Variants in TTC28 observed in about 807,000 individuals in gnomAD.
The protein encoded by TTC28 is tetratricopeptide repeat protein 28.
A neutral mutation model predicts 198.0 loss-of-function variants in TTC28; 61 were observed. The observed-to-expected ratio is 0.31, with a 90% CI of 0.25 to 0.38. The LOEUF (loss-of-function observed/expected upper bound fraction) is 0.38, where lower values mean the gene tolerates loss of function less well. TTC28 is among the 10% of genes least tolerant of loss of function. The probability of loss-of-function intolerance (pLI) is 1.00; values close to 1 mark genes in which losing one functional copy is unlikely to be tolerated. For missense variants in TTC28, 2,678 were observed against 3,164.0 expected, an observed-to-expected ratio of 0.85 and a Z score of 3.69; for synonymous variants, 1,171 against 1,297.8, an observed-to-expected ratio of 0.90 and a Z score of 2.10.
chr22:28,334,981 G>C (rs551575215), intron 2 of TTC28, among the ~76,000 whole-genome samples: 19 of 152,206 alleles, frequency 1.2e-4, no homozygotes, highest in Admixed American at 4.6e-4. Flanking sequence ...GGTTTTTATG[G>C]TTTTAGGTCT....
chr22:28,147,798 T>C (rs1943503907), intron 6 of TTC28, among the ~76,000 whole-genome samples: 1 of 152,244 alleles, frequency 6.6e-6, no homozygotes, highest in Non-Finnish European at 1.5e-5. Flanking sequence ...GTCATTCCTT[T>C]ATCATTATTA....
chr22:28,161,820 A>AGGAG (rs1371857752), intron 6 of TTC28, among the ~76,000 whole-genome samples: 1 of 122,748 alleles, frequency 8.1e-6, no homozygotes, highest in Non-Finnish European at 1.7e-5. Context: ...GAAGGAGGGA[A>AGGAG]GGAGGGAGGG....
intron 16 of TTC28, 101 bp from the exon 17 acceptor site, chr22:27,996,360 A>C (rs1937552404): frequency 4.7e-6 from 7 of 1,475,124 alleles, no homozygotes; most frequent in Non-Finnish European, 6.3e-6. Flanking sequence ...AACCCAGCAG[A>C]AAGAGCAGGG....
At chr22:28,413,404 C>T (rs922245855) in intron 2 of TTC28, among the ~76,000 whole-genome samples, 1 of 151,912 alleles carries the variant, frequency 6.6e-6, no homozygotes, top group South Asian at 2.1e-4. Context: ...CGCGACTGAG[C>T]GAGACTCTGT....
chr22:28,653,540 C>A (rs2051596818), intron 1 of TTC28, among the ~76,000 whole-genome samples: 1 of 151,682 alleles, frequency 6.6e-6, no homozygotes, highest in Non-Finnish European at 1.5e-5. Flanking sequence ...TAAATCCTCT[C>A]TTCCAGGAGT....
rs71194768 is a variant in TTC28 at position 28,452,389 on chromosome 22, C to CAAAAAA, written c.382-145752_382-145747dup. Among the ~76,000 whole-genome samples the CAAAAAA allele has an allele frequency of 5.6e-4, 24 of 43,236 alleles. 3 individuals are homozygous for CAAAAAA. The highest frequency in any genetic ancestry group is 1.7e-3 in the East Asian group (2 of 1,146). 28.4% of individuals were successfully genotyped at this position (43,236 alleles called of 152,430 possible). A position where few individuals can be genotyped will look rare whatever the true frequency, so the allele number is the denominator to read the frequency against. On this transcript the variant is annotated intron_variant, in intron 2 of 22. Transcript: ENST00000397906. ...TGGGCAACAGAGCGAGATTCCATCT[C>CAAAAAA]AAAAAAAAAAAAAAAAAAAAAAAAA...
chr22:27,983,979 T>A, intron 22 of TTC28, 128 bp from the exon 23 acceptor site: 1 of 1,002,996 alleles, frequency 1.0e-6, no homozygotes, highest in Non-Finnish European at 1.4e-6. Context: ...CTACTCATAT[T>A]AATCTTACAA....
At chr22:28,123,668 G>A (rs181461764) in intron 6 of TTC28, among the ~76,000 whole-genome samples, 74 of 151,996 alleles carry the variant, frequency 4.9e-4, no homozygotes, top group Non-Finnish European at 7.6e-4. Context: ...CCTTTCTCCC[G>A]TATCAACCTG....
At chr22:28,664,815 C>T (rs1229817573) in intron 1 of TTC28, among the ~76,000 whole-genome samples, 1 of 23,726 alleles carries the variant, frequency 4.2e-5, no homozygotes, top group Non-Finnish European at 7.5e-5. Context: ...AGATACTCCT[C>T]GAGAAGAGCA....
intron 2 of TTC28, among the ~76,000 whole-genome samples, chr22:28,381,134 CAA>C (rs981709849): frequency 1.0e-4 from 11 of 108,604 alleles, no homozygotes; most frequent in Admixed American, 1.9e-4. Context: ...ATCACATTCT[CAA>C]AAAAAAAAAA....
Position 28,525,020 on chromosome 22 carries a change from G to GA in TTC28, c.381+104531dup, listed in dbSNP as rs565050286. Among the ~76,000 whole-genome samples the GA allele has an allele frequency of 2.4e-4, 37 of 152,176 alleles. No homozygotes were observed. The East Asian group carries it at 6.7e-3, about 28-fold the overall frequency. ...ATGTGTTCAAGACTTATTATTGATA[G>GA]AAAAAAAGTTCATTGGGCTTACTGC... On this transcript the variant is annotated intron_variant, in intron 2 of 22. Transcript: ENST00000397906.
chr22:28,657,914 T>C (rs1384690479), intron 1 of TTC28, among the ~76,000 whole-genome samples: 3 of 151,986 alleles, frequency 2.0e-5, no homozygotes, highest in Non-Finnish European at 2.9e-5. Flanking sequence ...AGCTCAAAAA[T>C]ATGCTGGGGT....
At chr22:28,226,140 T>G (rs764177078) in intron 5 of TTC28, among the ~76,000 whole-genome samples, 12 of 152,228 alleles carry the variant, frequency 7.9e-5, no homozygotes, top group Non-Finnish European at 1.2e-4. Flanking sequence ...TGCTTTCTTT[T>G]CACTAGTGTA....
At chr22:27,998,057 G>A (rs530855827) in intron 16 of TTC28, 32 of 173,888 alleles carry the variant, frequency 1.8e-4, no homozygotes, top group Admixed American at 1.3e-3. Context: ...AAGATATTCA[G>A]TGCACTCCTT....
At chr22:28,544,633 C>G (rs970772437) in intron 2 of TTC28, among the ~76,000 whole-genome samples, 1 of 152,118 alleles carries the variant, frequency 6.6e-6, no homozygotes, top group Non-Finnish European at 1.5e-5. Flanking sequence ...GCACAAGACA[C>G]GGATCACAAA....
intron 2 of TTC28, among the ~76,000 whole-genome samples, chr22:28,410,566 C>T (rs945512440): frequency 2.6e-5 from 4 of 152,142 alleles, no homozygotes; most frequent in African/African-American, 9.7e-5. Context: ...GAAGAGGAAA[C>T]TGTGAATCCT....
At chr22:28,679,088 C>T (rs2052048076) in intron 1 of TTC28, among the ~76,000 whole-genome samples, 1 of 152,234 alleles carries the variant, frequency 6.6e-6, no homozygotes, top group Admixed American at 6.5e-5. Flanking sequence ...GGCCCAAACA[C>T]AGCACGAAGC....
At chr22:28,367,532 C>T (rs1173127862) in intron 2 of TTC28, among the ~76,000 whole-genome samples, 1 of 151,428 alleles carries the variant, frequency 6.6e-6, no homozygotes, top group Non-Finnish European at 1.5e-5. Flanking sequence ...ATTAAAAAAG[C>T]AAGTGCAAAC....
chr22:28,542,959 T>G (rs1305458840), intron 2 of TTC28, among the ~76,000 whole-genome samples: 2 of 152,272 alleles, frequency 1.3e-5, no homozygotes, highest in African/African-American at 4.8e-5. Context: ...ATGCTAGTAA[T>G]CAAGAAATGC....
Sources: gnomAD v4.1 joint callset for allele counts (sites outside exome capture counted in the v4.1 genomes callset) on GRCh38, gnomAD v4.1.1 for gene constraint, MANE v1.5 for transcripts, NCBI Gene and HGNC (gene_info 2026-07-23, HGNC 2026-07-21) for gene names.